The following EIF3J variants were observed in gnomAD, a reference collection of about 807,000 sequenced individuals.
EIF3J encodes eukaryotic translation initiation factor 3 subunit J.
In EIF3J, 15 loss-of-function variants were observed where a neutral mutation model predicts 39.0. The observed-to-expected ratio is 0.38, with a 90% CI of 0.26 to 0.59. The LOEUF (loss-of-function observed/expected upper bound fraction) is 0.59. Ranked by LOEUF, EIF3J falls within the 20% of genes least tolerant of loss-of-function variation. The pLI is 0.60. For synonymous variants in EIF3J, 98 were observed against 112.9 expected (o/e 0.87, Z 0.84); for missense variants, 226 against 308.6 (o/e 0.73, Z 2.00).
rs764140621 is a variant in EIF3J at position 44,554,580 on chromosome 15, C to A, written c.322C>A (p.Leu108Ile). 115 of 1,611,572 alleles carry A rather than the reference C, an allele frequency of 7.1e-5. No homozygotes were observed. Among genetic ancestry groups the A allele is most frequent in the Non-Finnish European group, 9.5e-5 (112 of 1,179,220 alleles). The change falls in exon 5 of 8, where the codon CTA becomes ATA. Residue 108 changes from leucine (L) to isoleucine (I), a missense_variant. Transcript: ENST00000261868. ...RLEEPEEPKVLTPEEQLADKL... is the reference protein window; with the variant it reads ...RLEEPEEPKVITPEEQLADKL... The stretch of plus-strand genomic sequence containing the variant: ...AGAAGAACCCGAAGAACCTAAAGTG[C>A]TAACACCAGAAGAACAATTAGCAGA...
intron 4 of EIF3J, among the ~76,000 whole-genome samples, chr15:44,554,288 A>G (rs962464367): frequency 9.2e-5 from 14 of 151,540 alleles, no homozygotes; most frequent in African/African-American, 3.2e-4. Flanking sequence ...GAGGTATGAG[A>G]ATCACTTGAA....
At position 44,554,597 on chromosome 15, in the gene EIF3J, A is replaced by C; in HGVS notation, c.339A>C (p.Gln113His). The C allele has an allele frequency of 3.1e-6, 5 of 1,612,860 alleles. No individual in the cohort carries two copies. Among genetic ancestry groups the C allele is most frequent in the Non-Finnish European group, 4.2e-6 (5 of 1,179,620 alleles). Residue 113 changes from glutamine (Q) to histidine (H), a missense_variant, in exon 5 of 8, where the codon CAA (glutamine) becomes CAC (histidine). Gln to His is a conservative substitution (Grantham distance 24). This residue lies in a region of EIF3J where 143 missense variants were observed against 156.0 expected (regional missense o/e 0.92). Coordinates refer to ENST00000261868, the MANE Select transcript of EIF3J (RefSeq NM_003758.4). ...EEPKVLTPEE[Q>H]LADKLRLKKL... ...CTAAAGTGCTAACACCAGAAGAACA[A>C]TTAGCAGATAAACTGCGGCTAAAGA...
Position 44,554,661 on chromosome 15 carries a change from A to G in EIF3J, c.403A>G (p.Thr135Ala). 6.2e-7 allele frequency: 1 copy of G among 1,606,004 alleles called. No homozygotes were observed. The highest frequency in any genetic ancestry group is 8.5e-7 in the Non-Finnish European group (1 of 1,174,888). The change falls in exon 5 of 8, where the codon ACT (threonine) becomes GCT (alanine). Residue 135 changes from threonine (T) to alanine (A), a missense_variant. Transcript: ENST00000261868. ...GTCAGACCTCGAATTAGCAAAGGAA[A>G]CTTTTGGTAAGACGGGATTATGATT... The part of the protein sequence containing the change: ...EESDLELAKE[T>A]FGVNNAVYGI...
rs2082203681 is a variant in EIF3J at position 44,562,048 on chromosome 15, A to G, written c.*899A>G. 6.5e-6 allele frequency: 1 copy of G among 152,684 alleles called. No individual in the cohort carries two copies. Among genetic ancestry groups the G allele is most frequent in the Non-Finnish European group, 1.5e-5 (1 of 68,044 alleles). 9.5% of individuals were successfully genotyped at this position (152,684 alleles called of 1,614,324 possible). The stretch of plus-strand genomic sequence containing the variant: ...AATTATGACATCTGCAATGTTTTAT[A>G]AAGCAACTAATTTAATAAAATCACT... On this transcript the variant is annotated 3_prime_UTR_variant, in exon 8 of 8. Coordinates refer to ENST00000261868, the MANE Select transcript of EIF3J (RefSeq NM_003758.4).
chr15:44,549,508 G>A (rs577866056), intron 2 of EIF3J, among the ~76,000 whole-genome samples: 1 of 152,240 alleles, frequency 6.6e-6, no homozygotes, highest in Admixed American at 6.5e-5. Context: ...GGTGGCTCAC[G>A]CCTGTAATTC....
intron 7 of EIF3J, chr15:44,560,599 G>A (rs2140904444): frequency 2.6e-6 from 1 of 390,392 alleles, no homozygotes; most frequent in African/African-American, 2.0e-5. Flanking sequence ...GCTTTTCTAA[G>A]CTTCAGTCTT....
intron 6 of EIF3J, chr15:44,559,046 G>C (rs17586985): frequency 0.066 from 10,047 of 152,076 alleles, 455 homozygotes; most frequent in Non-Finnish European, 0.091. Context: ...TCTCATTGTA[G>C]TTCCCGTGCA....
chr15:44,557,606 A>T lies in EIF3J; in HGVS notation c.527A>T (p.Tyr176Phe). ...ACACAATATGAAAAGTCACTATATT[A>T]TGCCAGTTTTTTGGAAGTCTTAGTT... ...KITQYEKSLY[Y>F]ASFLEVLVRD... Residue 176 changes from tyrosine (Y) to phenylalanine (F), a missense_variant, in exon 6 of 8, where the codon TAT becomes TTT. This residue lies in a region of EIF3J where 83 missense variants were observed against 152.6 expected (regional missense o/e 0.54). Transcript: ENST00000261868. The T allele has an allele frequency of 6.5e-7, 1 of 1,533,970 alleles. No homozygotes were observed. Among genetic ancestry groups the T allele is most frequent in the Non-Finnish European group, 8.8e-7 (1 of 1,141,210 alleles).
Position 44,561,996 on chromosome 15 carries a change from T to TA in EIF3J, c.*848dup, listed in dbSNP as rs2082202577. On this transcript the variant is annotated 3_prime_UTR_variant, in exon 8 of 8. Coordinates refer to ENST00000261868, the MANE Select transcript of EIF3J (RefSeq NM_003758.4). Reference sequence around the variant, plus strand: ...TGCTCAGCAAACTGCACCAGTTAACTACAGTTTGGTAAATTGTTATGTTAA... The same window carrying TA: ...TGCTCAGCAAACTGCACCAGTTAACTAACAGTTTGGTAAATTGTTATGTTAA... The TA allele has an allele frequency of 6.6e-6, 1 of 152,654 alleles. No individual in the cohort carries two copies. Among genetic ancestry groups the TA allele is most frequent in the Non-Finnish European group, 1.5e-5 (1 of 68,038 alleles). 9.5% of individuals were successfully genotyped at this position (152,654 alleles called of 1,614,324 possible). A position where few individuals can be genotyped will look rare whatever the true frequency, so the allele number is the denominator to read the frequency against.
At position 44,551,508 on chromosome 15, in the gene EIF3J, G is replaced by T; in HGVS notation, c.280G>T (p.Glu94Ter). 2 of 1,589,518 alleles carry T rather than the reference G, an allele frequency of 1.3e-6. No homozygotes were observed. Among genetic ancestry groups the T allele is most frequent in the South Asian group, 1.2e-5 (1 of 86,536 alleles). ...ACGGCAACAGAAGAAAAGGCAAGAAGAAATTAAAAAGAGGGTAAATTCTGT... is the reference window on the plus strand; with the variant it reads ...ACGGCAACAGAAGAAAAGGCAAGAATAAATTAAAAAGAGGGTAAATTCTGT... Reference protein sequence around the residue: ...KERQQKKRQEEIKKRLEEPEE... With the variant: ...KERQQKKRQE The change falls in exon 4 of 8, where the codon GAA becomes TAA. Residue 94 changes from glutamate (E) to a stop codon, truncating the protein, a stop_gained. Coordinates refer to ENST00000261868, the MANE Select transcript of EIF3J (RefSeq NM_003758.4). LOFTEE classifies it high-confidence loss of function.
At chr15:44,539,223 G>A (rs991884183) in intron 2 of EIF3J, among the ~76,000 whole-genome samples, 6 of 149,934 alleles carry the variant, frequency 4.0e-5, no homozygotes, top group African/African-American at 1.5e-4. Context: ...ACGGGGTTTC[G>A]CCATGTTGCC....
At chr15:44,554,800 C>T in intron 5 of EIF3J, 133 bp downstream of exon 5, 1 of 511,196 alleles carries the variant, frequency 2.0e-6, no homozygotes, top group Non-Finnish European at 3.4e-6. Context: ...TTTTTAATCT[C>T]TGTGTATATT....
chr15:44,553,543 A>G (rs1191611722), intron 4 of EIF3J, among the ~76,000 whole-genome samples: 2 of 152,156 alleles, frequency 1.3e-5, no homozygotes, highest in Non-Finnish European at 2.9e-5. Context: ...GAAGATAGAT[A>G]TACACTAAGC....
At chr15:44,548,549 T>G (rs185619250) in intron 2 of EIF3J, among the ~76,000 whole-genome samples, 40 of 152,334 alleles carry the variant, frequency 2.6e-4, no homozygotes, top group Admixed American at 2.6e-3. Context: ...ACAAGGTATC[T>G]TAAAATGTTT....
intron 2 of EIF3J, among the ~76,000 whole-genome samples, chr15:44,543,454 T>G (rs2082028316): frequency 6.7e-6 from 1 of 149,852 alleles, no homozygotes; most frequent in Admixed American, 6.7e-5. Context: ...TTTCGCTGTC[T>G]CCAGGCTGGA....
chr15:44,540,324 A>G (rs1454362115), intron 2 of EIF3J, among the ~76,000 whole-genome samples: 1 of 133,234 alleles, frequency 7.5e-6, no homozygotes, highest in Non-Finnish European at 1.6e-5. Flanking sequence ...GCTGGTCTCA[A>G]ACTCCTGAGG....
chr15:44,544,856 T>C lies in EIF3J; in HGVS notation c.148-6020T>C, dbSNP rs144466810. On this transcript the variant is annotated intron_variant, in intron 2 of 7. Transcript: ENST00000261868. ...CGGTCTCTACTAAAAACACAAAAATTAGCTAGGCATGGTGGTGCATACCTG... is the reference window on the plus strand; with the variant it reads ...CGGTCTCTACTAAAAACACAAAAATCAGCTAGGCATGGTGGTGCATACCTG... Among the ~76,000 whole-genome samples the C allele has an allele frequency of 7.2e-3, 1,086 of 151,290 alleles. 8 individuals are homozygous for C. Among genetic ancestry groups the C allele is most frequent in the Non-Finnish European group, 0.011 (759 of 67,876 alleles).
intron 4 of EIF3J, 102 bp downstream of exon 4, chr15:44,551,624 CTG>C: frequency 2.3e-6 from 2 of 865,076 alleles, no homozygotes; most frequent in Non-Finnish European, 3.5e-6. Context: ...TCTGTGAAGA[CTG>C]TAAATGGATA....
At chr15:44,545,969 T>C (rs75943048) in intron 2 of EIF3J, among the ~76,000 whole-genome samples, 4,089 of 152,312 alleles carry the variant, frequency 0.027, 96 homozygotes, top group East Asian at 0.098. Flanking sequence ...TTAACCTTGT[T>C]ACTACACCTG....
Sources: allele counts gnomAD v4.1 joint callset (sites outside exome capture counted in the v4.1 genomes callset), GRCh38; gene constraint gnomAD v4.1.1; regional missense constraint gnomAD v4.1.1; transcripts MANE v1.5; gene names NCBI Gene and HGNC (gene_info 2026-07-23, HGNC 2026-07-21).